HABP2: variants seen among roughly 807,000 people sequenced by gnomAD.
HABP2 encodes factor VII-activating protease.
Under a neutral mutation model 66.5 loss-of-function variants are expected in HABP2, and 65 were observed. The ratio of observed to expected loss-of-function variants is 0.98; its 90% CI spans 0.80 to 1.20. HABP2 has a LOEUF of 1.20. Among genes scored for constraint, HABP2 ranks in the 50% most tolerant of loss-of-function variants. HABP2 has a pLI of 0.00. For missense variants in HABP2, 786 were observed against 691.0 expected, an observed-to-expected ratio of 1.14 and a Z score of -1.54; for synonymous variants, 263 against 253.9, an observed-to-expected ratio of 1.04 and a Z score of -0.34.
At chr10:113,566,476 T>G (rs995448741) in intron 1 of HABP2, among the ~76,000 whole-genome samples, 1 of 152,264 alleles carries the variant, frequency 6.6e-6, no homozygotes, top group African/African-American at 2.4e-5. Context: ...ATGTCATTAT[T>G]TATTTATTCA....
Position 113,588,837 on chromosome 10 carries a change from A to C in HABP2, c.*468A>C. The C allele has an allele frequency of 1.4e-6, 1 of 693,012 alleles. No individual in the cohort carries two copies. The allele number at this position is 693,012 out of a possible 1,614,324, so 42.9% of individuals were successfully genotyped here. A position where few individuals can be genotyped will look rare whatever the true frequency, so the allele number is the denominator to read the frequency against. On this transcript the variant is annotated 3_prime_UTR_variant, in exon 13 of 13. Transcript: ENST00000351270. ...AATACAACATTCTCCATCTGCTTTC[A>C]GAGTTATTATTTTAATAAAGGAAGA...
At chr10:113,556,804 C>CTTTTTT (rs66685949) in intron 1 of HABP2, among the ~76,000 whole-genome samples, 15 of 105,096 alleles carry the variant, frequency 1.4e-4, no homozygotes, top group East Asian at 3.3e-4. Context: ...TTCTTTTATT[C>CTTTTTT]TTTTTTTTTT....
upstream of HABP2, among the ~76,000 whole-genome samples, chr10:113,552,737 G>A (rs1481952319): frequency 1.3e-5 from 2 of 152,172 alleles, no homozygotes; most frequent in African/African-American, 4.8e-5. Flanking sequence ...AGCACTGGCA[G>A]AGGCCTGTGG....
intron 1 of HABP2, among the ~76,000 whole-genome samples, chr10:113,563,917 C>A (rs889669272): frequency 9.9e-5 from 15 of 152,194 alleles, no homozygotes; most frequent in Non-Finnish European, 2.2e-4. Flanking sequence ...GAGCAAAGAC[C>A]AGGACCAAGG....
chr10:113,565,332 TAAAAAAGA>T (rs1845179109), intron 1 of HABP2, among the ~76,000 whole-genome samples: 1 of 151,648 alleles, frequency 6.6e-6, no homozygotes, highest in Non-Finnish European at 1.5e-5. Context: ...GTATTTTTTT[TAAAAAAGA>T]GGTTTATTTG....
intron 1 of HABP2, among the ~76,000 whole-genome samples, chr10:113,564,351 G>C (rs1845157760): frequency 6.6e-6 from 1 of 152,066 alleles, no homozygotes; most frequent in South Asian, 2.1e-4. Flanking sequence ...CCATATTAGG[G>C]TCCCCTCATG....
intron 1 of HABP2, among the ~76,000 whole-genome samples, chr10:113,563,347 C>T (rs1369688458): frequency 2.0e-5 from 3 of 152,190 alleles, no homozygotes; most frequent in African/African-American, 7.2e-5. Context: ...TTTCAGGGAT[C>T]CGGATATAGG....
At chr10:113,553,319 T>A in intron 1 of HABP2, 129 bp downstream of exon 1, 1 of 708,692 alleles carries the variant, frequency 1.4e-6, no homozygotes. Context: ...ATGTTCTAAC[T>A]ACAAGAACCA....
In HABP2 at chr10:113,588,330, T is replaced by C. The variant is rs773117063; in HGVS notation, c.1644T>C (p.Asn548=). 12 of 1,613,542 alleles carry C rather than the reference T, an allele frequency of 7.4e-6. 1 individual carries two copies. In the East Asian group the frequency reaches 2.2e-4, roughly 30 times the overall value. Reference sequence around the variant, plus strand: ...ACACCCAAGTTACCAAATTCCTGAATTGGATCAAAGCCACCATCAAAAGTG... The same window carrying C: ...ACACCCAAGTTACCAAATTCCTGAACTGGATCAAAGCCACCATCAAAAGTG... ...GVYTQVTKFL[N]WIKATIKSES... Residue 548 remains asparagine (N), a synonymous_variant, in exon 13 of 13, where the codon AAT becomes AAC. Transcript: ENST00000351270.
At chr10:113,582,269 A>G in intron 9 of HABP2, 138 bp downstream of exon 9, 1 of 750,104 alleles carries the variant, frequency 1.3e-6, no homozygotes, top group Non-Finnish European at 2.0e-6. Context: ...AGGGCTCCTG[A>G]AAGCCAGAGG....
chr10:113,553,079 G>A lies in HABP2; in HGVS notation c.-43G>A, dbSNP rs777436619. The A allele has an allele frequency of 6.6e-7, 1 of 1,504,244 alleles. No individual in the cohort carries two copies. Among genetic ancestry groups the A allele is most frequent in the East Asian group, 2.3e-5 (1 of 44,330 alleles). The allele number at this position is 1,504,244 out of a possible 1,614,324, so 93.2% of individuals were successfully genotyped here. On this transcript the variant is annotated 5_prime_UTR_variant, in exon 1 of 13. Coordinates refer to ENST00000351270, the MANE Select transcript of HABP2 (RefSeq NM_004132.5). ...CCCCCTAAAGGCATAGACAACAAAAGAAATTTTATTGAGAGGAAAACACAA... is the reference window on the plus strand; with the variant it reads ...CCCCCTAAAGGCATAGACAACAAAAAAAATTTTATTGAGAGGAAAACACAA...
chr10:113,573,809 C>T (rs1223687946), intron 2 of HABP2, among the ~76,000 whole-genome samples: 1 of 152,180 alleles, frequency 6.6e-6, no homozygotes, highest in Non-Finnish European at 1.5e-5. Flanking sequence ...TTTCATTCAG[C>T]TTGGTGACTA....
At chr10:113,580,538 T>C (rs2133777797) in intron 7 of HABP2, 57 bp from the exon 8 acceptor site, 1 of 897,870 alleles carries the variant, frequency 1.1e-6, no homozygotes, top group Non-Finnish European at 1.9e-6. Context: ...GGTTCTTTAA[T>C]AAGATCCAGT....
intron 2 of HABP2, 131 bp from the exon 3 acceptor site, chr10:113,574,158 A>C: frequency 1.6e-6 from 1 of 625,678 alleles, no homozygotes; most frequent in Non-Finnish European, 2.9e-6. Flanking sequence ...CACTGTGCAG[A>C]GCTGGAGAGA....
chr10:113,566,867 A>G (rs1419201170), intron 1 of HABP2, among the ~76,000 whole-genome samples: 1 of 152,128 alleles, frequency 6.6e-6, no homozygotes, highest in African/African-American at 2.4e-5. Flanking sequence ...GAAGCTTAGT[A>G]AAGGGGCAAT....
At chr10:113,566,781 G>A (rs558360586) in intron 1 of HABP2, among the ~76,000 whole-genome samples, 1 of 152,310 alleles carries the variant, frequency 6.6e-6, no homozygotes, top group East Asian at 1.9e-4. Flanking sequence ...GGGCTTCCAG[G>A]CAGAGGCAAC....
chr10:113,582,338 T>G (rs1172998628), intron 9 of HABP2, among the ~76,000 whole-genome samples: 1 of 152,234 alleles, frequency 6.6e-6, no homozygotes, highest in Non-Finnish European at 1.5e-5. Context: ...TATATGACAT[T>G]TAATCCTTAA....
chr10:113,559,597 C>T (rs1592682370), intron 1 of HABP2, among the ~76,000 whole-genome samples: 1 of 152,236 alleles, frequency 6.6e-6, no homozygotes, highest in South Asian at 2.1e-4. Context: ...GTGTTCCCAG[C>T]CCACCTCAGA....
chr10:113,554,050 G>T (rs760566561), intron 1 of HABP2, among the ~76,000 whole-genome samples: 5 of 152,178 alleles, frequency 3.3e-5, no homozygotes, highest in Non-Finnish European at 7.3e-5. Flanking sequence ...GCTGTGGAAT[G>T]TTGGGCAAGG....
Sources: allele counts gnomAD v4.1 joint callset (sites outside exome capture counted in the v4.1 genomes callset), GRCh38; gene constraint gnomAD v4.1.1; transcripts MANE v1.5; gene names NCBI Gene and HGNC (gene_info 2026-07-23, HGNC 2026-07-21).